MAU2: variants seen among roughly 807,000 people sequenced by gnomAD.
MAU2 encodes the protein MAU2 sister chromatid cohesion factor.
Under a neutral mutation model 89.1 loss-of-function variants are expected in MAU2, and 9 were observed. The ratio of observed to expected loss-of-function variants is 0.10; its 90% confidence interval spans 0.06 to 0.18. The LOEUF is 0.18. Ranked by LOEUF, MAU2 falls within the 10% of genes least tolerant of loss-of-function variation. MAU2 has a pLI of 1.00. For missense variants in MAU2, 425 were observed against 803.5 expected, an observed-to-expected ratio of 0.53 and a Z score of 5.69; for synonymous variants, 357 against 343.4, an observed-to-expected ratio of 1.04 and a Z score of -0.44.
At chr19:19,340,734 T>G in intron 5 of MAU2, 112 bp from the exon 6 acceptor site, 1 of 1,002,036 alleles carries the variant, frequency 1.0e-6, no homozygotes, top group Non-Finnish European at 1.5e-6. Flanking sequence ...TGTTGTCCAC[T>G]GAACTGTCCC....
intron 16 of MAU2, chr19:19,354,108 C>T (rs1193982001): frequency 5.3e-5 from 29 of 549,352 alleles, no homozygotes; most frequent in Non-Finnish European, 8.2e-5. Flanking sequence ...CCAAAGTTGT[C>T]CATTGGCCAT....
chr19:19,323,481 A>G (rs2061480715), intron 1 of MAU2, among the ~76,000 whole-genome samples: 1 of 152,066 alleles, frequency 6.6e-6, no homozygotes, highest in Non-Finnish European at 1.5e-5. Flanking sequence ...GGTGTGAGTC[A>G]CCACATCTGG....
intron 1 of MAU2, among the ~76,000 whole-genome samples, chr19:19,330,998 G>A (rs1021184642): frequency 4.6e-5 from 7 of 152,136 alleles, no homozygotes; most frequent in Admixed American, 6.6e-5. Flanking sequence ...CACCAGAGCT[G>A]TGCTGGTCTG....
intron 17 of MAU2, chr19:19,354,678 C>G (rs1944487652): frequency 5.4e-6 from 3 of 554,262 alleles, no homozygotes; most frequent in Admixed American, 6.1e-5. Flanking sequence ...GACACAGAGG[C>G]TGCGACTTGG....
chr19:19,355,789 G>C lies in MAU2; in HGVS notation c.*7G>C, dbSNP rs1488501577. ...CCTGGCCAGCCTCCTGTGAGGCCTT[G>C]ATGGGGCCATCCAGCTCCGCAGGGC... is the stretch of plus-strand genomic sequence containing the variant. On this transcript the variant is annotated 3_prime_UTR_variant, in exon 19 of 19. Transcript: ENST00000262815. 1.9e-6 allele frequency: 3 copies of C among 1,605,322 alleles called. No individual in the cohort carries two copies. In the South Asian group the frequency reaches 3.3e-5, roughly 18 times the overall value.
chr19:19,332,640 A>G (rs1238142257), intron 1 of MAU2, among the ~76,000 whole-genome samples: 2 of 152,040 alleles, frequency 1.3e-5, no homozygotes, highest in African/African-American at 2.4e-5. Context: ...CTTTGGGCAC[A>G]TTACTTCCCA....
intron 7 of MAU2, among the ~76,000 whole-genome samples, chr19:19,342,052 C>T (rs1303158626): frequency 2.6e-5 from 4 of 152,264 alleles, no homozygotes; most frequent in African/African-American, 4.8e-5. Context: ...GCACTGCACT[C>T]GGCGCATAGG....
chr19:19,342,896 C>T (rs1269005431), intron 9 of MAU2, 30 bp downstream of exon 9: 1 of 1,609,528 alleles, frequency 6.2e-7, no homozygotes, highest in Non-Finnish European at 8.5e-7. Flanking sequence ...GGCCACATGG[C>T]CACAGCGACC....
At chr19:19,353,926 G>A (rs2061764063) in intron 16 of MAU2, 1 of 212,530 alleles carries the variant, frequency 4.7e-6, no homozygotes, top group Non-Finnish European at 9.9e-6. Context: ...GTCTGCGGGG[G>A]CCTCCCATGA....
chr19:19,335,654 C>T (rs925883089), intron 1 of MAU2, 64 bp from the exon 2 acceptor site: 55 of 1,566,346 alleles, frequency 3.5e-5, no homozygotes, highest in Non-Finnish European at 4.8e-5. Context: ...AGCCCCAGAG[C>T]GAGCCAGTAA....
At position 19,355,874 on chromosome 19, in the gene MAU2, T is replaced by G; in HGVS notation, c.*92T>G. ...AAGCCTGCCCCCGAGGCGTGCTTCC[T>G]TCCTGATTGTCTCTAGAGCTTCCAA... On this transcript the variant is annotated 3_prime_UTR_variant, in exon 19 of 19. Transcript: ENST00000262815. 3 of 1,188,946 alleles carry G rather than the reference T, an allele frequency of 2.5e-6. No homozygotes were observed. The highest frequency in any genetic ancestry group is 3.7e-6 in the Non-Finnish European group (3 of 808,112). 73.6% of individuals were successfully genotyped at this position (1,188,946 alleles called of 1,614,324 possible).
chr19:19,349,805 C>T (rs953456356), intron 16 of MAU2, among the ~76,000 whole-genome samples: 2 of 152,072 alleles, frequency 1.3e-5, no homozygotes, highest in African/African-American at 4.8e-5. Flanking sequence ...TCCTCTCAGC[C>T]GGACTTCCAA....
intron 1 of MAU2, among the ~76,000 whole-genome samples, chr19:19,327,966 T>C (rs2061524630): frequency 6.6e-6 from 1 of 152,042 alleles, no homozygotes; most frequent in African/African-American, 2.4e-5. Flanking sequence ...GAATTCGCAG[T>C]GACCAACCTG....
chr19:19,341,646 A>G (rs926304452), intron 7 of MAU2, among the ~76,000 whole-genome samples: 5 of 152,216 alleles, frequency 3.3e-5, no homozygotes, highest in Non-Finnish European at 7.3e-5. Flanking sequence ...TATGTGTGAC[A>G]TTGCATACAC....
intron 16 of MAU2, chr19:19,352,970 G>A (rs1162712054): frequency 6.6e-6 from 1 of 152,494 alleles, no homozygotes; most frequent in Admixed American, 6.5e-5. Context: ...CAGCCTTGGG[G>A]GCCGGGATAG....
In MAU2 at chr19:19,321,078, C is replaced by T. The variant is rs376118330; in HGVS notation, c.219C>T (p.Ser73=). ...CCCGTACACACCTGCAGCTGGGCTC[C>T]GTTCTCTATCACCACACCAAGAACA... ...IEARTHLQLG[S]VLYHHTKNSE... is the part of the protein sequence containing the mutation. Residue 73 remains serine (S), a synonymous_variant, in exon 1 of 19, where the codon TCC becomes TCT. Transcript: ENST00000262815. 85 of 1,611,772 alleles carry T rather than the reference C, an allele frequency of 5.3e-5. No individual in the cohort carries two copies. The African/African-American group carries it at 1.1e-3, about 20-fold the overall frequency.
intron 4 of MAU2, among the ~76,000 whole-genome samples, chr19:19,337,652 A>G (rs1289278962): frequency 6.6e-6 from 1 of 151,770 alleles, no homozygotes; most frequent in Non-Finnish European, 1.5e-5. Flanking sequence ...CCAGAGACCC[A>G]CTGTGGGTTT....
At chr19:19,343,634 A>G (rs2061670782) in intron 9 of MAU2, among the ~76,000 whole-genome samples, 1 of 151,890 alleles carries the variant, frequency 6.6e-6, no homozygotes, top group Non-Finnish European at 1.5e-5. Flanking sequence ...GTGGGAACCA[A>G]CCTCTGGCTC....
intron 1 of MAU2, among the ~76,000 whole-genome samples, chr19:19,326,719 T>TATATGTGTATATATATATAC (rs1327254833): frequency 3.5e-5 from 1 of 28,644 alleles, no homozygotes; most frequent in Non-Finnish European, 1.1e-4. Flanking sequence ...TATATATATA[T>TATATGTGTATATATATATAC]ACATATATAT....
Sources: gnomAD v4.1 joint callset for allele counts (sites outside exome capture counted in the v4.1 genomes callset) on GRCh38, gnomAD v4.1.1 for gene constraint, MANE v1.5 for transcripts, NCBI Gene and HGNC (gene_info 2026-07-23, HGNC 2026-07-21) for gene names.